Variants in RSPRY1 observed in about 807,000 individuals in gnomAD.
RSPRY1 encodes ring finger and SPRY domain containing 1, also known as RING finger and SPRY domain-containing protein 1.
Under a neutral mutation model 73.1 loss-of-function variants are expected in RSPRY1, and 23 were observed. The ratio of observed to expected loss-of-function variants is 0.31; its 90% confidence interval spans 0.23 to 0.45. RSPRY1 has a LOEUF of 0.45. Among genes scored for constraint, RSPRY1 ranks in the 20% least tolerant of loss-of-function variants. RSPRY1 has a pLI of 1.00. For missense variants in RSPRY1, 448 were observed against 698.7 expected (o/e 0.64, Z 4.05); for synonymous variants, 226 against 251.4 (o/e 0.90, Z 0.95).
intron 1 of RSPRY1, among the ~76,000 whole-genome samples, chr16:57,188,183 T>G (rs1034282074): frequency 1.4e-4 from 22 of 152,384 alleles, no homozygotes; most frequent in African/African-American, 4.8e-4. Flanking sequence ...GTTCTCTTTA[T>G]TTTTCCCCTT....
intron 6 of RSPRY1, among the ~76,000 whole-genome samples, chr16:57,215,738 T>A (rs2074927083): frequency 6.6e-6 from 1 of 152,244 alleles, no homozygotes; most frequent in Non-Finnish European, 1.5e-5. Flanking sequence ...CATTTTTAGT[T>A]TATAATTCTA....
At chr16:57,190,308 G>A (rs1453908707) in intron 1 of RSPRY1, among the ~76,000 whole-genome samples, 1 of 152,138 alleles carries the variant, frequency 6.6e-6, no homozygotes, top group Non-Finnish European at 1.5e-5. Flanking sequence ...GGTTGAAGAT[G>A]CAGTGAGCCA....
chr16:57,230,484 A>G (rs1443824402), intron 11 of RSPRY1, among the ~76,000 whole-genome samples: 1 of 152,240 alleles, frequency 6.6e-6, no homozygotes, highest in East Asian at 1.9e-4. Flanking sequence ...GATGCATCTT[A>G]AGATTGGCTT....
chr16:57,203,188 C>T (rs963123211), intron 1 of RSPRY1, among the ~76,000 whole-genome samples: 20 of 151,914 alleles, frequency 1.3e-4, no homozygotes, highest in Admixed American at 4.6e-4. Context: ...CCCAGTTACT[C>T]GAGAGGCTGA....
chr16:57,218,677 T>G (rs534845914), intron 8 of RSPRY1, among the ~76,000 whole-genome samples: 33 of 152,050 alleles, frequency 2.2e-4, no homozygotes, highest in African/African-American at 7.5e-4. Context: ...TCATTCTTTT[T>G]TGTGGCTGAA....
chr16:57,218,625 A>G (rs2074978926), intron 8 of RSPRY1, among the ~76,000 whole-genome samples: 2 of 148,884 alleles, frequency 1.3e-5, no homozygotes, highest in South Asian at 2.1e-4. Context: ...ACTTAACATC[A>G]TATCCTACAG....
rs759138187 is a variant in RSPRY1, at chr16:57,204,796, C to T, written c.138C>T (p.Cys46=). The T allele has an allele frequency of 6.2e-7, 1 of 1,614,162 alleles. No homozygotes were observed. Among genetic ancestry groups the T allele is most frequent in the East Asian group, 2.2e-5 (1 of 44,878 alleles). The change falls in exon 2 of 15, where the codon TGC becomes TGT. Residue 46 remains cysteine (C), a synonymous_variant. Coordinates refer to ENST00000394420, the MANE Select transcript of RSPRY1 (RefSeq NM_133368.3). The stretch of plus-strand genomic sequence containing the variant: ...CTACCATGGGTAATTCCTGTATCTG[C>T]CGAGATGACAGTGGAACAGATGACA... ...AATTMGNSCI[C]RDDSGTDDSV...
At chr16:57,211,303 C>G (rs1002906921) in intron 4 of RSPRY1, among the ~76,000 whole-genome samples, 1 of 151,360 alleles carries the variant, frequency 6.6e-6, no homozygotes, top group Non-Finnish European at 1.5e-5. Context: ...GGCACGGTGG[C>G]TCATGCCTGT....
rs369718026 is a variant in RSPRY1, at chr16:57,229,652, C to CTTAGAGTT, written c.1274-1055_1274-1048dup. Among the ~76,000 whole-genome samples, 597 of 138,276 alleles carry CTTAGAGTT rather than the reference C, an allele frequency of 4.3e-3. 6 individuals are homozygous for CTTAGAGTT. The highest frequency in any genetic ancestry group is 0.015 in the African/African-American group (556 of 36,932). 90.7% of individuals were successfully genotyped at this position (138,276 alleles called of 152,430 possible). A position where few individuals can be genotyped will look rare whatever the true frequency, so the allele number is the denominator to read the frequency against. ...AAATAACAAAACCAAAAACTGAAAC[C>CTTAGAGTT]TTAGAGTTTTACTTTATCTGATAAG... is the stretch of plus-strand genomic sequence containing the variant. On this transcript the variant is annotated intron_variant, in intron 11 of 14. Transcript: ENST00000394420.
At chr16:57,186,224 G>T, upstream of RSPRY1, 1 of 961,752 alleles carries the variant, frequency 1.0e-6, no homozygotes, top group Non-Finnish European at 1.2e-6. Flanking sequence ...CACGTGACAC[G>T]ATTTTTGAAA....
In RSPRY1 at chr16:57,227,348, T is replaced by C; in HGVS notation, c.1168T>C (p.Tyr390His). The change falls in exon 11 of 15, where the codon TAC (tyrosine) becomes CAC (histidine). Residue 390 changes from tyrosine (Y) to histidine (H), a missense_variant. Physicochemically the swap from Tyr to His is moderately conservative, Grantham distance 83. Transcript: ENST00000394420. ...RDSKFLNHEG[Y>H]GIGDDEYSCA... The stretch of plus-strand genomic sequence containing the variant: ...GGGCCTTGTCTCTCTCCAGGAAGGC[T>C]ACGGCATTGGGGATGATGAATACTC... 6.2e-7 allele frequency: 1 copy of C among 1,612,678 alleles called. No individual in the cohort carries two copies. Among genetic ancestry groups the C allele is most frequent in the Non-Finnish European group, 8.5e-7 (1 of 1,178,688 alleles).
chr16:57,220,910 C>A, intron 9 of RSPRY1, 63 bp downstream of exon 9: 1 of 1,184,810 alleles, frequency 8.4e-7, no homozygotes, highest in Non-Finnish European at 1.3e-6. Context: ...TTAATCCTTG[C>A]ATAGCCAGTT....
intron 1 of RSPRY1, among the ~76,000 whole-genome samples, chr16:57,189,593 CTTTTTTTTTTTTTTTT>C (rs1429157345): frequency 8.1e-6 from 1 of 124,068 alleles, no homozygotes; most frequent in African/African-American, 3.0e-5. Flanking sequence ...CTTTTCTTTT[CTTTTTTTTTTTTTTTT>C]GAGACAGGGT....
chr16:57,194,567 T>TG (rs1443034970), intron 1 of RSPRY1, among the ~76,000 whole-genome samples: 2 of 152,128 alleles, frequency 1.3e-5, no homozygotes, highest in African/African-American at 4.8e-5. Flanking sequence ...TTAGCCTTTG[T>TG]GGGGGAGGGT....
At chr16:57,208,173 C>T in intron 3 of RSPRY1, 63 bp downstream of exon 3, 1 of 1,042,740 alleles carries the variant, frequency 9.6e-7, no homozygotes, top group Non-Finnish European at 1.4e-6. Context: ...AAAGTAGCCA[C>T]CTTTTGTTTT....
At position 57,236,014 on chromosome 16, in the gene RSPRY1, C is replaced by T. The variant is rs116041588; in HGVS notation, c.1634+786C>T. 2.6e-3 allele frequency among the ~76,000 whole-genome samples: 399 copies of T among 152,304 alleles called. 2 individuals are homozygous for T. Among genetic ancestry groups the T allele is most frequent in the Middle Eastern group, 0.014 (4 of 294 alleles). On this transcript the variant is annotated intron_variant, in intron 14 of 14. Coordinates refer to ENST00000394420, the MANE Select transcript of RSPRY1 (RefSeq NM_133368.3). The stretch of plus-strand genomic sequence containing the variant: ...AAGGGAAGTAGAGTGTGTCTCATTT[C>T]ACCCTTAGCTATACCAGCCTCTCTT...
At chr16:57,223,961 C>G (rs770405592) in intron 10 of RSPRY1, among the ~76,000 whole-genome samples, 9 of 152,158 alleles carry the variant, frequency 5.9e-5, no homozygotes, top group African/African-American at 2.2e-4. Context: ...ATGTAGTCTC[C>G]AGCTGCTAGA....
intron 6 of RSPRY1, among the ~76,000 whole-genome samples, chr16:57,214,615 C>T (rs1314426026): frequency 2.0e-5 from 3 of 152,242 alleles, no homozygotes; most frequent in Non-Finnish European, 4.4e-5. Flanking sequence ...GGGGATACAA[C>T]ATGGCAGTCC....
intron 10 of RSPRY1, among the ~76,000 whole-genome samples, chr16:57,222,773 A>G (rs2075059444): frequency 6.6e-6 from 1 of 152,232 alleles, no homozygotes; most frequent in African/African-American, 2.4e-5. Context: ...TTCTAGAACT[A>G]GAAGTAATAG....
Sources: gnomAD v4.1 joint callset for allele counts (sites outside exome capture counted in the v4.1 genomes callset) on GRCh38, gnomAD v4.1.1 for gene constraint, MANE v1.5 for transcripts, NCBI Gene and HGNC (gene_info 2026-07-23, HGNC 2026-07-21) for gene names.